IL16: variants seen among roughly 807,000 people sequenced by gnomAD.
The protein encoded by IL16 is interleukin 16.
In IL16, 67 loss-of-function variants were observed where a neutral mutation model predicts 110.1. That is an observed-to-expected ratio of 0.61 (90% CI 0.50 to 0.75). IL16 has a LOEUF of 0.75. IL16 is among the 30% of genes least tolerant of loss of function. IL16 has a pLI of 0.00. For missense variants in IL16, 1,545 were observed against 1,655.0 expected, an observed-to-expected ratio of 0.93 and a Z score of 1.15; for synonymous variants, 689 against 662.9, an observed-to-expected ratio of 1.04 and a Z score of -0.61.
rs767202893 is a variant in IL16, at chr15:81,282,750, G to T, written c.1193G>T (p.Arg398Leu). The T allele has an allele frequency of 1.2e-6, 2 of 1,607,082 alleles. No homozygotes were observed. Among genetic ancestry groups the T allele is most frequent in the African/African-American group, 2.7e-5 (2 of 74,804 alleles). Residue 398 changes from arginine (R) to leucine (L), a missense_variant, in exon 9 of 19, where the codon CGT becomes CTT. Around this residue, in one of 3 missense-constraint regions of IL16, gnomAD observed 1,185 missense variants for 1,238.8 expected, o/e 0.96. Coordinates refer to ENST00000683961, the MANE Select transcript of IL16 (RefSeq NM_172217.5). ...GGATCCGTGGCGCACCTGGACGGAC[G>T]TCTCCGGTATGTCCTCACTTCTGTT... ...SPGSVAHLDG[R>L]LRCGDEIVEI...
intron 1 of IL16, among the ~76,000 whole-genome samples, chr15:81,186,616 G>A (rs1895423664): frequency 6.6e-6 from 1 of 152,128 alleles, no homozygotes; most frequent in South Asian, 2.1e-4. Flanking sequence ...CCCAATTATG[G>A]ACATCTTGGC....
chr15:81,293,696 A>T (rs1413854857), intron 12 of IL16, among the ~76,000 whole-genome samples: 1 of 152,210 alleles, frequency 6.6e-6, no homozygotes, highest in Non-Finnish European at 1.5e-5. Flanking sequence ...ACCTGACAGC[A>T]TCTCAGGCAT....
intron 13 of IL16, among the ~76,000 whole-genome samples, chr15:81,298,736 G>A (rs1900115055): frequency 6.6e-6 from 1 of 152,224 alleles, no homozygotes; most frequent in African/African-American, 2.4e-5. Context: ...GCTGATCAAT[G>A]ACCTGTGTAT....
At chr15:81,216,538 G>A (rs932610024) in intron 1 of IL16, among the ~76,000 whole-genome samples, 5 of 152,138 alleles carry the variant, frequency 3.3e-5, no homozygotes, top group Admixed American at 1.3e-4. Flanking sequence ...GTCTCTCTCA[G>A]TGGGAGCAAC....
chr15:81,201,717 G>T (rs777894420), intron 1 of IL16, among the ~76,000 whole-genome samples: 1 of 152,136 alleles, frequency 6.6e-6, no homozygotes, highest in Non-Finnish European at 1.5e-5. Context: ...TGGTAAAAAT[G>T]CTGTAATTAG....
chr15:81,271,901 G>A (rs1339531236), intron 5 of IL16, among the ~76,000 whole-genome samples: 7 of 152,320 alleles, frequency 4.6e-5, no homozygotes, highest in East Asian at 1.9e-4. Context: ...TCTGTGGCAC[G>A]GGGTGATGCT....
rs746766512 is a variant in IL16 at position 81,301,404 on chromosome 15, G to A, written c.3210G>A (p.Gly1070=). 3 of 1,613,698 alleles carry A rather than the reference G, an allele frequency of 1.9e-6. No homozygotes were observed. The highest frequency in any genetic ancestry group is 2.7e-5 in the African/African-American group (2 of 74,886). ...CGGAAGCCAAGGAAGACGATGATGG[G>A]GACCACAGTTCCCTTCAGTCTGGTC... The part of the protein sequence containing the change: ...GLTEAKEDDD[G]DHSSLQSGQS... Residue 1070 remains glycine, a synonymous_variant, in exon 15 of 19, where the codon GGG becomes GGA. Transcript: ENST00000683961.
At chr15:81,292,365 C>T in intron 11 of IL16, 191 bp from the exon 12 acceptor site, 1 of 770,492 alleles carries the variant, frequency 1.3e-6, no homozygotes, top group Non-Finnish European at 2.2e-6. Flanking sequence ...GAATGATTTT[C>T]CCAACCCAAA....
At chr15:81,273,814 C>T (rs1294623501) in intron 6 of IL16, among the ~76,000 whole-genome samples, 1 of 152,038 alleles carries the variant, frequency 6.6e-6, no homozygotes, top group Non-Finnish European at 1.5e-5. Context: ...ATCAACCCAC[C>T]CCCTCTCAAC....
At chr15:81,294,150 G>T (rs559876471) in intron 12 of IL16, among the ~76,000 whole-genome samples, 1 of 152,286 alleles carries the variant, frequency 6.6e-6, no homozygotes, top group South Asian at 2.1e-4. Context: ...CGGTGGAGAC[G>T]GGATGTTGAG....
chr15:81,245,751 C>G (rs1474644473), intron 2 of IL16, among the ~76,000 whole-genome samples: 1 of 62,458 alleles, frequency 1.6e-5, no homozygotes, highest in African/African-American at 1.0e-4. Flanking sequence ...TTTTTTTTGC[C>G]TGTACCTACT....
intron 2 of IL16, among the ~76,000 whole-genome samples, chr15:81,244,956 C>T (rs1897486012): frequency 6.6e-6 from 1 of 152,042 alleles, no homozygotes; most frequent in African/African-American, 2.4e-5. Flanking sequence ...GAGTTCATTC[C>T]TTTAGTTTAT....
rs1167593167 is a variant in IL16 at position 81,309,832 on chromosome 15, G to C, written c.*1034G>C. On this transcript the variant is annotated 3_prime_UTR_variant, in exon 19 of 19. Transcript: ENST00000683961. ...GGCATTGCCTTTAGTGATCACAGCA[G>C]CTTCTACGGTGTATGGTTCTGTGCC... The C allele has an allele frequency of 6.6e-6, 1 of 152,278 alleles. No individual in the cohort carries two copies. The highest frequency in any genetic ancestry group is 6.5e-5 in the Admixed American group (1 of 15,286). The allele number at this position is 152,278 out of a possible 1,614,324, so 9.4% of individuals were successfully genotyped here.
Position 81,306,526 on chromosome 15 carries a change from C to T in IL16, c.3786C>T (p.Thr1262=), listed in dbSNP as rs758801405. 1.1e-5 allele frequency: 17 copies of T among 1,613,338 alleles called. No individual in the cohort carries two copies. Among genetic ancestry groups the T allele is most frequent in the African/African-American group, 1.3e-5 (1 of 74,900 alleles). Residue 1262 remains threonine, a synonymous_variant, in exon 18 of 19, where the codon ACC becomes ACT. Coordinates refer to ENST00000683961, the MANE Select transcript of IL16 (RefSeq NM_172217.5). ...CCCTACACGGAGACAAGCCTCTCACCATTAACAGGATTTTCAAAGGTGTGG... is the reference window on the plus strand; with the variant it reads ...CCCTACACGGAGACAAGCCTCTCACTATTAACAGGATTTTCAAAGGTGTGG... The part of the protein sequence containing the change: ...KGSLHGDKPL[T]INRIFKGAAS...
upstream of IL16, among the ~76,000 whole-genome samples, chr15:81,195,214 C>T (rs1369751456): frequency 6.6e-6 from 1 of 152,156 alleles, no homozygotes; most frequent in African/African-American, 2.4e-5. Context: ...GTGCCGATGA[C>T]AAGAGAGAGC....
chr15:81,243,485 A>G (rs1481763567), intron 2 of IL16, among the ~76,000 whole-genome samples: 1 of 151,948 alleles, frequency 6.6e-6, no homozygotes, highest in Non-Finnish European at 1.5e-5. Context: ...ATGTCTGGCC[A>G]TGCATCTATA....
intron 1 of IL16, among the ~76,000 whole-genome samples, chr15:81,212,970 A>G (rs1274942509): frequency 1.3e-5 from 2 of 152,034 alleles, no homozygotes; most frequent in Non-Finnish European, 2.9e-5. Context: ...TTTAGGTGCA[A>G]AGGCAAATTG....
chr15:81,223,877 T>C (rs915097952), intron 1 of IL16, among the ~76,000 whole-genome samples: 2 of 152,216 alleles, frequency 1.3e-5, no homozygotes, highest in Non-Finnish European at 2.9e-5. Flanking sequence ...GGCTTGGATT[T>C]GTCTGTGATT....
At chr15:81,239,644 A>G (rs951502509) in intron 2 of IL16, among the ~76,000 whole-genome samples, 4 of 152,192 alleles carry the variant, frequency 2.6e-5, no homozygotes, top group African/African-American at 4.8e-5. Flanking sequence ...TGCTGCTGCT[A>G]AAGTAGACAT....
Sources: allele counts gnomAD v4.1 joint callset (sites outside exome capture counted in the v4.1 genomes callset), GRCh38; gene constraint gnomAD v4.1.1; regional missense constraint gnomAD v4.1.1; transcripts MANE v1.5; gene names NCBI Gene and HGNC (gene_info 2026-07-23, HGNC 2026-07-21).